SLC39A14: variants seen among roughly 807,000 people sequenced by gnomAD.
SLC39A14 encodes the protein solute carrier family 39 member 14.
A neutral mutation model predicts 45.5 loss-of-function variants in SLC39A14; 19 were observed. The observed-to-expected ratio is 0.42, with a 90% CI of 0.29 to 0.61. The LOEUF is 0.61. Ranked by LOEUF, SLC39A14 falls within the 20% of genes least tolerant of loss-of-function variation. The pLI is 0.22. For missense variants in SLC39A14, 447 were observed against 616.5 expected (o/e 0.73, Z 2.91); for synonymous variants, 264 against 251.3 (o/e 1.05, Z -0.48).
At chr8:22,385,050 C>CA (rs1024530071) in intron 1 of SLC39A14, among the ~76,000 whole-genome samples, 26 of 150,564 alleles carry the variant, frequency 1.7e-4, no homozygotes, top group South Asian at 6.3e-4. Context: ...ACTCCTGTCT[C>CA]AAAAAAAACA....
rs147335275 is a variant in SLC39A14 at position 22,413,615 on chromosome 8, A to G, written c.628-1165A>G. ...CAACAAACAGCCCAGAGTTCCTTGA[A>G]GTTGGGATCAACTTTTATTTTGGAC... On this transcript the variant is annotated intron_variant, in intron 4 of 8. Transcript: ENST00000381237. Among the ~76,000 whole-genome samples the G allele has an allele frequency of 5.5e-3, 841 of 152,294 alleles. 6 individuals carry two copies. Among genetic ancestry groups the G allele is most frequent in the African/African-American group, 0.018 (747 of 41,560 alleles).
chr8:22,430,746 C>T (rs13267478), intron 8 of SLC39A14, among the ~76,000 whole-genome samples: 4 of 150,998 alleles, frequency 2.6e-5, no homozygotes, highest in Admixed American at 6.6e-5. Context: ...GATCTCGGCT[C>T]GCTGCAAACT....
At position 22,419,709 on chromosome 8, in the gene SLC39A14, A is replaced by G; in HGVS notation, c.*11A>G. 6.3e-7 allele frequency: 1 copy of G among 1,581,302 alleles called. No homozygotes were observed. Among genetic ancestry groups the G allele is most frequent in the South Asian group, 1.2e-5 (1 of 86,224 alleles). On this transcript the variant is annotated 3_prime_UTR_variant, in exon 9 of 9. Coordinates refer to ENST00000381237, the MANE Select transcript of SLC39A14 (RefSeq NM_001128431.4). ...ATCCAGATTGGGTAGGGCTCTGCCAAGAGCCTGTGGGACTGGAAGTCGGGC... is the reference window on the plus strand; with the variant it reads ...ATCCAGATTGGGTAGGGCTCTGCCAGGAGCCTGTGGGACTGGAAGTCGGGC...
At chr8:22,427,052 G>A (rs1471155994), downstream of SLC39A14, among the ~76,000 whole-genome samples, 1 of 151,804 alleles carries the variant, frequency 6.6e-6, no homozygotes, top group Non-Finnish European at 1.5e-5. Flanking sequence ...CAGCACTTTG[G>A]GAGGCCAAGA....
In SLC39A14 at chr8:22,421,909, A is replaced by C; in HGVS notation, c.*2211A>C. ...ATATTACCTTAAGAAATTTCCTTCC[A>C]TAGACAGCTGCCTCAAAGGGAAATC... On this transcript the variant is annotated 3_prime_UTR_variant, in exon 9 of 9. Transcript: ENST00000381237. The C allele has an allele frequency of 1.0e-6, 1 of 985,370 alleles. No individual in the cohort carries two copies. Among genetic ancestry groups the C allele is most frequent in the Non-Finnish European group, 1.2e-6 (1 of 829,910 alleles). 61.0% of individuals were successfully genotyped at this position (985,370 alleles called of 1,614,324 possible).
chr8:22,368,454 C>T (rs916548404), intron 1 of SLC39A14, among the ~76,000 whole-genome samples: 1 of 152,174 alleles, frequency 6.6e-6, no homozygotes, highest in Admixed American at 6.5e-5. Context: ...ATCTCCTTAA[C>T]CACAGCATAT....
intron 2 of SLC39A14, among the ~76,000 whole-genome samples, chr8:22,406,519 C>T (rs934978940): frequency 1.3e-5 from 2 of 152,136 alleles, no homozygotes; most frequent in South Asian, 2.1e-4. Flanking sequence ...CGGTGAAACT[C>T]CGTCTCTGCT....
At chr8:22,423,784 G>GTTTC, downstream of SLC39A14, among the ~76,000 whole-genome samples, 1 of 64,490 alleles carries the variant, frequency 1.6e-5, no homozygotes, top group African/African-American at 6.3e-5. Flanking sequence ...ACTTTAATTG[G>GTTTC]TTTCTCTCTC....
At chr8:22,427,523 A>C (rs963658909), downstream of SLC39A14, among the ~76,000 whole-genome samples, 1 of 152,110 alleles carries the variant, frequency 6.6e-6, no homozygotes, top group African/African-American at 2.4e-5. Flanking sequence ...AAAAAAAAAA[A>C]ACCTCTTTGA....
At chr8:22,379,871 G>C (rs1833407171) in intron 1 of SLC39A14, among the ~76,000 whole-genome samples, 1 of 148,032 alleles carries the variant, frequency 6.8e-6, no homozygotes, top group Non-Finnish European at 1.5e-5. Context: ...AGAGGTTGCA[G>C]TGAGCCAAGG....
At chr8:22,406,484 G>C (rs995187587) in intron 2 of SLC39A14, among the ~76,000 whole-genome samples, 2 of 152,146 alleles carry the variant, frequency 1.3e-5, no homozygotes, top group Non-Finnish European at 2.9e-5. Flanking sequence ...ACGAGGTCAG[G>C]AGATCGAGAC....
intron 1 of SLC39A14, among the ~76,000 whole-genome samples, chr8:22,396,299 G>A (rs34055362): frequency 0.25 from 37,692 of 148,848 alleles, 5,489 homozygotes; most frequent in East Asian, 0.49. Context: ...CCCGGGAGGC[G>A]GAGGTTACGG....
chr8:22,418,859 T>C (rs1836047401), intron 8 of SLC39A14, among the ~76,000 whole-genome samples: 1 of 152,046 alleles, frequency 6.6e-6, no homozygotes, highest in African/African-American at 2.4e-5. Flanking sequence ...CAAAAAGACC[T>C]CTTAAAGTGT....
At chr8:22,425,028 CAAAAAA>C (rs71544902), downstream of SLC39A14, among the ~76,000 whole-genome samples, 1 of 74,344 alleles carries the variant, frequency 1.3e-5, no homozygotes, top group African/African-American at 4.6e-5. Flanking sequence ...GACTCCGTCT[CAAAAAA>C]AAAAAAAAAA....
At chr8:22,409,385 TTG>T (rs869297545) in intron 3 of SLC39A14, among the ~76,000 whole-genome samples, 7 of 141,614 alleles carry the variant, frequency 4.9e-5, no homozygotes, top group Middle Eastern at 3.9e-3. Flanking sequence ...TTTGTTTTTT[TTG>T]TTTGTTTGTT....
chr8:22,386,479 C>T (rs72607397), intron 1 of SLC39A14, among the ~76,000 whole-genome samples: 34,939 of 151,990 alleles, frequency 0.23, 4,766 homozygotes, highest in East Asian at 0.49. Context: ...GTTAGCCAGG[C>T]TGGTCTCGAA....
chr8:22,406,315 G>T (rs551839968), intron 2 of SLC39A14, among the ~76,000 whole-genome samples: 1 of 152,080 alleles, frequency 6.6e-6, no homozygotes, highest in African/African-American at 2.4e-5. Context: ...TCGGTGTGGT[G>T]GTGGGTGCCT....
In SLC39A14 at chr8:22,371,414, CTTTTTTTTTTTTTTTTTTTTT is replaced by C. The variant is rs373230777; in HGVS notation, c.-16+4023_-16+4043del. The stretch of plus-strand genomic sequence containing the variant: ...GGATATCTAAAAAAAAAATACATGT[CTTTTTTTTTTTTTTTTTTTTT>C]TTTTTTTTTTTTTTTTGAGACGGAG... On this transcript the variant is annotated intron_variant, in intron 1 of 8. Coordinates refer to ENST00000381237, the MANE Select transcript of SLC39A14 (RefSeq NM_001128431.4). Among the ~76,000 whole-genome samples the C allele has an allele frequency of 4.2e-5, 5 of 120,128 alleles. No individual in the cohort carries two copies. The South Asian group carries it at 7.8e-4, about 19-fold the overall frequency. The allele number at this position is 120,128 out of a possible 152,430, so 78.8% of individuals were successfully genotyped here.
At chr8:22,374,740 C>CTTTTTTTT (rs67116858) in intron 1 of SLC39A14, among the ~76,000 whole-genome samples, 1 of 104,032 alleles carries the variant, frequency 9.6e-6, no homozygotes, top group African/African-American at 4.2e-5. Flanking sequence ...CCAGCCTGCT[C>CTTTTTTTT]TTTTTTTTTT....
Sources: allele counts gnomAD v4.1 joint callset (sites outside exome capture counted in the v4.1 genomes callset), GRCh38; gene constraint gnomAD v4.1.1; transcripts MANE v1.5; gene names NCBI Gene and HGNC (gene_info 2026-07-23, HGNC 2026-07-21).